The following SPNS1 variants were observed in gnomAD, a reference collection of about 807,000 sequenced individuals.
The protein encoded by SPNS1 is SPNS lysolipid transporter 1, lysophospholipid.
Under a neutral mutation model 50.3 loss-of-function variants are expected in SPNS1, and 22 were observed. The ratio of observed to expected loss-of-function variants is 0.44; its 90% confidence interval spans 0.31 to 0.62. SPNS1 has a LOEUF of 0.62. SPNS1 is among the 20% of genes least tolerant of loss of function. The pLI, the probability that SPNS1 is intolerant of heterozygous loss-of-function variation, is 0.07. For missense variants in SPNS1, 576 were observed against 728.6 expected, an observed-to-expected ratio of 0.79 and a Z score of 2.41; for synonymous variants, 295 against 317.4, an observed-to-expected ratio of 0.93 and a Z score of 0.75.
In SPNS1 at chr16:28,979,075, C is replaced by T. The variant is rs1965444316; in HGVS notation, c.445-80C>T. 12 of 1,545,080 alleles carry T rather than the reference C, an allele frequency of 7.8e-6. No homozygotes were observed. The South Asian group carries it at 1.3e-4, about 17-fold the overall frequency. ...AGGCATCTCCCGCCATCCCTGCTGC[C>T]TCTTGGGAGCGGGCTGGTGAGGTAG... is the stretch of plus-strand genomic sequence containing the variant. On this transcript the variant is annotated intron_variant, in intron 3 of 11. Coordinates refer to ENST00000311008, the MANE Select transcript of SPNS1 (RefSeq NM_032038.3).
In SPNS1 at chr16:28,983,097, C is replaced by A. The variant is rs1048745942; in HGVS notation, c.1222-95C>A. The A allele has an allele frequency of 2.4e-6, 3 of 1,255,258 alleles. No homozygotes were observed. Among genetic ancestry groups the A allele is most frequent in the East Asian group, 2.4e-5 (1 of 41,636 alleles). 77.8% of individuals were successfully genotyped at this position (1,255,258 alleles called of 1,614,324 possible). A position where few individuals can be genotyped will look rare whatever the true frequency, so the allele number is the denominator to read the frequency against. ...CCTCAACCCCAGGCACACCTCTGACCCCGGCCTAGGCGGATCCTTGGTGGT... is the reference window on the plus strand; with the variant it reads ...CCTCAACCCCAGGCACACCTCTGACACCGGCCTAGGCGGATCCTTGGTGGT... On this transcript the variant is annotated intron_variant, in intron 9 of 11. Transcript: ENST00000311008. The surrounding 1 kb of genome is among the most constrained non-coding windows in gnomAD (Gnocchi z 5.4).
intron 2 of SPNS1, 151 bp downstream of exon 2, chr16:28,975,708 G>A: frequency 5.2e-6 from 4 of 769,226 alleles, no homozygotes; most frequent in African/African-American, 1.7e-5. Context: ...GGGGGTCAGC[G>A]GGACACCACA....
rs1439245416 is a variant in SPNS1, at chr16:28,983,776, C to T, written c.1321-10C>T. The T allele has an allele frequency of 1.3e-6, 2 of 1,573,436 alleles. No individual in the cohort carries two copies. Among genetic ancestry groups the T allele is most frequent in the South Asian group, 2.3e-5 (2 of 86,880 alleles). On this transcript the variant is annotated splice_polypyrimidine_tract_variant and intron_variant, in intron 10 of 11. Coordinates refer to ENST00000311008, the MANE Select transcript of SPNS1 (RefSeq NM_032038.3). This position sits in a 1 kb window ranked among gnomAD's most constrained non-coding sequence, Gnocchi z 5.4. ...GACTCCCCTGGCTTTCCTGTCTCCT[C>T]TCCCTGCAGATCTCTGACCGCCTGC...
At position 28,975,761 on chromosome 16, in the gene SPNS1, C is replaced by T. The variant is rs57880602; in HGVS notation, c.307+204C>T. 2.0e-3 allele frequency among the ~76,000 whole-genome samples: 312 copies of T among 152,342 alleles called. 2 individuals are homozygous for T. In the East Asian group the frequency reaches 0.021, roughly 10 times the overall value. On this transcript the variant is annotated intron_variant, in intron 2 of 11. Transcript: ENST00000311008. ...TTTAGTATAACTAAGTATAACTTCA[C>T]CCAGGTGAAGACAGACCTGGGTTTA...
At position 28,983,058 on chromosome 16, in the gene SPNS1, G is replaced by C; in HGVS notation, c.1222-134G>C. 8.1e-7 allele frequency: 1 copy of C among 1,238,766 alleles called. No homozygotes were observed. Among genetic ancestry groups the C allele is most frequent in the Non-Finnish European group, 1.2e-6 (1 of 860,634 alleles). The allele number at this position is 1,238,766 out of a possible 1,614,324, so 76.7% of individuals were successfully genotyped here. The stretch of plus-strand genomic sequence containing the variant: ...TAAATAACATCTGTAGCAGACCCCC[G>C]GCCTGCCCTGCGACCTCAACCCCAG... On this transcript the variant is annotated intron_variant, in intron 9 of 11. Transcript: ENST00000311008. The surrounding 1 kb of genome is among the most constrained non-coding windows in gnomAD (Gnocchi z 5.4).
chr16:28,982,560 G>T lies in SPNS1; in HGVS notation c.1155+15G>T. 1 of 1,591,170 alleles carries T rather than the reference G, an allele frequency of 6.3e-7. No homozygotes were observed. Among genetic ancestry groups the T allele is most frequent in the Non-Finnish European group, 8.6e-7 (1 of 1,166,362 alleles). ...TGGCCACTTATGTGAGTAGCCAGCAGGTGTCAAGGGGGATGGCGTGGGTCC... is the reference window on the plus strand; with the variant it reads ...TGGCCACTTATGTGAGTAGCCAGCATGTGTCAAGGGGGATGGCGTGGGTCC... On this transcript the variant is annotated intron_variant, in intron 8 of 11. Transcript: ENST00000311008.
intron 3 of SPNS1, 130 bp from the exon 4 acceptor site, chr16:28,979,025 T>C: frequency 8.7e-7 from 1 of 1,151,968 alleles, no homozygotes; most frequent in Non-Finnish European, 1.2e-6. Context: ...GGATGCAAGC[T>C]CAGGTCTGTG....
downstream of SPNS1, chr16:28,984,590 C>T (rs2141682141): frequency 3.3e-6 from 2 of 612,368 alleles, no homozygotes; most frequent in East Asian, 5.5e-5. Context: ...TCTGATCTTG[C>T]ACCCCGTCTT....
At chr16:28,978,450 G>A (rs775031880) in intron 3 of SPNS1, 7 of 173,972 alleles carry the variant, frequency 4.0e-5, no homozygotes, top group Non-Finnish European at 4.9e-5. Context: ...CCCCTCGAGC[G>A]CTGCCACTGA....
Position 28,981,884 on chromosome 16 carries a change from C to G in SPNS1, c.810-17C>G, listed in dbSNP as rs781629723. On this transcript the variant is annotated splice_polypyrimidine_tract_variant and intron_variant, in intron 6 of 11. Transcript: ENST00000311008. The surrounding 1 kb of genome is among the most constrained non-coding windows in gnomAD (Gnocchi z 4.2). ...ACCTCCGTGGGGTCTTACTCTCTCCCTCCCAACTATCTGCAGTCCTAGTTT... is the reference window on the plus strand; with the variant it reads ...ACCTCCGTGGGGTCTTACTCTCTCCGTCCCAACTATCTGCAGTCCTAGTTT... 3.7e-6 allele frequency: 6 copies of G among 1,613,816 alleles called. No individual in the cohort carries two copies. The highest frequency in any genetic ancestry group is 5.1e-6 in the Non-Finnish European group (6 of 1,179,878).
At position 28,974,825 on chromosome 16, in the gene SPNS1, G is replaced by C. The variant is rs868643555; in HGVS notation, c.-327G>C. The C allele has an allele frequency of 2.0e-6, 3 of 1,535,678 alleles. No individual in the cohort carries two copies. Among genetic ancestry groups the C allele is most frequent in the Non-Finnish European group, 2.6e-6 (3 of 1,146,570 alleles). On this transcript the variant is annotated 5_prime_UTR_variant, in exon 1 of 12. Transcript: ENST00000311008. ...TGGCGGCTGCCGTGGTGCAGCGCCC[G>C]GGCTGAGCGACAGCAAGTGCAGCGG... is the stretch of plus-strand genomic sequence containing the variant.
At position 28,983,901 on chromosome 16, in the gene SPNS1, TG is replaced by T; in HGVS notation, c.1439del (p.Gly480AlafsTer?). The T allele has an allele frequency of 6.2e-7, 1 of 1,600,468 alleles. No homozygotes were observed. On this transcript the variant is annotated frameshift_variant, in exon 11 of 12. Coordinates refer to ENST00000311008, the MANE Select transcript of SPNS1 (RefSeq NM_032038.3). LOFTEE classifies it high-confidence loss of function. This position sits in a 1 kb window ranked among gnomAD's most constrained non-coding sequence, Gnocchi z 5.4. ...FVGALGGAAF[L>X]GTAIFIEADR... ...GGGGCACTGGGCGGCGCAGCCTTCC[TG>T]GGCACCGCCATCTTCATTGAGGCCG... is the stretch of plus-strand genomic sequence containing the variant.
rs765756428 is a variant in SPNS1, at chr16:28,979,197, G to A, written c.487G>A (p.Gly163Arg). 7 of 1,613,936 alleles carry A rather than the reference G, an allele frequency of 4.3e-6. No individual in the cohort carries two copies. The highest frequency in any genetic ancestry group is 2.7e-5 in the African/African-American group (2 of 74,914). Residue 163 changes from glycine (G) to arginine (R), a missense_variant, in exon 4 of 12, where the codon GGG becomes AGG. Gly to Arg is a moderately radical substitution (Grantham distance 125, BLOSUM62 -2). Coordinates refer to ENST00000311008, the MANE Select transcript of SPNS1 (RefSeq NM_032038.3). Reference protein sequence around the residue: ...LLLTRGLVGVGEASYSTIAPT... With the variant: ...LLLTRGLVGVREASYSTIAPT... ...CCTGACCCGGGGCCTGGTGGGGGTC[G>A]GGGAGGCCAGTTATTCCACCATCGC... is the stretch of plus-strand genomic sequence containing the variant.
At chr16:28,978,125 G>T (rs1442218409) in intron 3 of SPNS1, 81 bp downstream of exon 3, 11 of 1,549,886 alleles carry the variant, frequency 7.1e-6, no homozygotes, top group Non-Finnish European at 9.6e-6. Flanking sequence ...AGCTATGGCA[G>T]ACTGGGCCTC....
At position 28,983,186 on chromosome 16, in the gene SPNS1, C is replaced by T; in HGVS notation, c.1222-6C>T. 6.2e-7 allele frequency: 1 copy of T among 1,609,174 alleles called. No homozygotes were observed. The highest frequency in any genetic ancestry group is 8.5e-7 in the Non-Finnish European group (1 of 1,176,224). The stretch of plus-strand genomic sequence containing the variant: ...CATCCACTGAGCTCCACCAACTCCT[C>T]CACAGTACGTGGTGATCCCTACCCG... On this transcript the variant is annotated splice_polypyrimidine_tract_variant and splice_region_variant and intron_variant, in intron 9 of 11. Coordinates refer to ENST00000311008, the MANE Select transcript of SPNS1 (RefSeq NM_032038.3). This position sits in a 1 kb window ranked among gnomAD's most constrained non-coding sequence, Gnocchi z 5.4.
rs1292843126 is a variant in SPNS1 at position 28,975,269 on chromosome 16, G to T, written c.118G>T (p.Glu40Ter). 6.4e-7 allele frequency: 1 copy of T among 1,562,690 alleles called. No individual in the cohort carries two copies. The highest frequency in any genetic ancestry group is 8.7e-7 in the Non-Finnish European group (1 of 1,153,142). ...STGNPKSEEP[E>*]VPDQEGLQRI... The stretch of plus-strand genomic sequence containing the variant: ...GGGGAACCCGAAGTCCGAGGAGCCC[G>T]AGGTCCCGGACCAGGAGGGGCTGCA... Residue 40 changes from glutamate to a stop codon, truncating the protein, a stop_gained, in exon 1 of 12, where the codon GAG (glutamate) becomes TAG (stop). Transcript: ENST00000311008. LOFTEE classifies it high-confidence loss of function.
chr16:28,977,512 A>G (rs999174227), intron 2 of SPNS1, among the ~76,000 whole-genome samples: 2 of 152,012 alleles, frequency 1.3e-5, no homozygotes, highest in East Asian at 3.9e-4. Context: ...CTAAACCCCT[A>G]GTGGTATTGG....
chr16:28,975,407 C>A lies in SPNS1; in HGVS notation c.241+15C>A, dbSNP rs372652583. On this transcript the variant is annotated intron_variant, in intron 1 of 11. Coordinates refer to ENST00000311008, the MANE Select transcript of SPNS1 (RefSeq NM_032038.3). ...CACCGTGGCTGGTAGGGACTCACTTCTGGGAGGAAGATAGTCTAGGAGAGG... is the reference window on the plus strand; with the variant it reads ...CACCGTGGCTGGTAGGGACTCACTTATGGGAGGAAGATAGTCTAGGAGAGG... The A allele has an allele frequency of 6.2e-7, 1 of 1,613,784 alleles. No individual in the cohort carries two copies.
Position 28,983,144 on chromosome 16 carries a change from C to A in SPNS1, c.1222-48C>A. ...TGGTCTCCTGGCCCCCTGCCTCCTG[C>A]CCCCTGGAGCCCAGAGCATCCACTG... On this transcript the variant is annotated intron_variant, in intron 9 of 11. Transcript: ENST00000311008. The surrounding 1 kb of genome is among the most constrained non-coding windows in gnomAD (Gnocchi z 5.4). The A allele has an allele frequency of 1.4e-6, 2 of 1,462,092 alleles. No individual in the cohort carries two copies. The highest frequency in any genetic ancestry group is 9.6e-7 in the Non-Finnish European group (1 of 1,044,316). 90.6% of individuals were successfully genotyped at this position (1,462,092 alleles called of 1,614,324 possible). A position where few individuals can be genotyped will look rare whatever the true frequency, so the allele number is the denominator to read the frequency against.
Sources: gnomAD v4.1 joint callset for allele counts (sites outside exome capture counted in the v4.1 genomes callset) on GRCh38, gnomAD v4.1.1 for gene constraint, Gnocchi (gnomAD v3.1) non-coding constraint, MANE v1.5 for transcripts, NCBI Gene and HGNC (gene_info 2026-07-23, HGNC 2026-07-21) for gene names.